CIRSR: variants seen among roughly 807,000 people sequenced by gnomAD.
CIRSR encodes CBF1 (RBPJ) interacting corepressor 1.
chr2:174,394,552 G>T, the CIRSR span, among the ~76,000 whole-genome samples: 42 of 152,190 alleles, frequency 2.8e-4, no homozygotes, highest in African/African-American at 9.9e-4. Context: ...AAAATGAGGA[G>T]ATGGGGCTGG....
At chr2:174,383,501 C>T in the CIRSR span, among the ~76,000 whole-genome samples, 1 of 151,936 alleles carries the variant, frequency 6.6e-6, no homozygotes, top group Admixed American at 6.6e-5. Flanking sequence ...GGGTGGATCA[C>T]CTCAGGTCAG....
At chr2:174,385,130 G>A in the CIRSR span, among the ~76,000 whole-genome samples, 11 of 149,764 alleles carry the variant, frequency 7.3e-5, no homozygotes, top group East Asian at 5.9e-4. Context: ...CAGGAGGATC[G>A]CTTGAACCCA....
chr2:174,371,414 G>A, the CIRSR span, among the ~76,000 whole-genome samples: 1 of 152,174 alleles, frequency 6.6e-6, no homozygotes, highest in African/African-American at 2.4e-5. Flanking sequence ...ATAAGAATAA[G>A]GGCTATAGAA....
At chr2:174,390,382 TC>T in the CIRSR span, among the ~76,000 whole-genome samples, 3 of 152,200 alleles carry the variant, frequency 2.0e-5, no homozygotes, top group Admixed American at 6.5e-5. Flanking sequence ...CTTTGTTTTG[TC>T]CAAATTGTCC....
the CIRSR span, among the ~76,000 whole-genome samples, chr2:174,389,771 T>G: frequency 1.3e-5 from 2 of 152,168 alleles, no homozygotes; most frequent in Non-Finnish European, 2.9e-5. Context: ...TCTCAACTGC[T>G]GGGTACAACC....
At chr2:174,390,320 AG>A in the CIRSR span, among the ~76,000 whole-genome samples, 1 of 152,242 alleles carries the variant, frequency 6.6e-6, no homozygotes, top group Non-Finnish European at 1.5e-5. Context: ...TGGCACTTTA[AG>A]GTTTAATGAC....
the CIRSR span, among the ~76,000 whole-genome samples, chr2:174,376,829 T>C: frequency 7.0e-6 from 1 of 141,850 alleles, no homozygotes; most frequent in Non-Finnish European, 1.5e-5. Context: ...AAGAAAGAAA[T>C]GGAGGGCTGG....
the CIRSR span, chr2:174,380,172 T>G: frequency 3.4e-6 from 5 of 1,488,334 alleles, no homozygotes; most frequent in African/African-American, 1.4e-5. Flanking sequence ...ATAAAAATTA[T>G]TCTTACAGAG....
chr2:174,379,551 T>C, the CIRSR span, among the ~76,000 whole-genome samples: 1 of 152,146 alleles, frequency 6.6e-6, no homozygotes, highest in African/African-American at 2.4e-5. Flanking sequence ...GGTGTTCCAA[T>C]AAAACTTTCT....
At chr2:174,383,672 A>C in the CIRSR span, among the ~76,000 whole-genome samples, 1 of 148,172 alleles carries the variant, frequency 6.7e-6, no homozygotes, top group Non-Finnish European at 1.5e-5. Context: ...GTGAGCCGAG[A>C]TCGCACCACT....
the CIRSR span, among the ~76,000 whole-genome samples, chr2:174,384,797 T>A: frequency 1.3e-5 from 2 of 152,182 alleles, no homozygotes; most frequent in Non-Finnish European, 2.9e-5. Context: ...ATTCAAGACA[T>A]ATATAAAATA....
the CIRSR span, chr2:174,349,295 G>A: frequency 4.1e-5 from 26 of 637,680 alleles, no homozygotes; most frequent in African/African-American, 3.2e-4. Flanking sequence ...GGCAGAGCGC[G>A]CTGGCTCATA....
At chr2:174,375,367 G>A in the CIRSR span, among the ~76,000 whole-genome samples, 1 of 152,168 alleles carries the variant, frequency 6.6e-6, no homozygotes, top group African/African-American at 2.4e-5. Context: ...CAGCACTGTG[G>A]GAGGCTGAGG....
chr2:174,348,801 C>T, the CIRSR span: 1 of 1,614,154 alleles, frequency 6.2e-7, no homozygotes, highest in South Asian at 1.1e-5. Flanking sequence ...AGAATGGCTC[C>T]ATTTGCTGTC....
the CIRSR span, among the ~76,000 whole-genome samples, chr2:174,357,561 C>T: frequency 6.6e-6 from 1 of 152,312 alleles, no homozygotes; most frequent in East Asian, 1.9e-4. Flanking sequence ...GTACAATCTT[C>T]TGTCCCTTTT....
chr2:174,356,605 A>AAG, the CIRSR span, among the ~76,000 whole-genome samples: 85,888 of 150,172 alleles, frequency 0.57, 27,130 homozygotes, highest in East Asian at 0.8. Flanking sequence ...GAGGGAGGGA[A>AAG]GAAGGAAGGA....
chr2:174,363,773 G>A, the CIRSR span, among the ~76,000 whole-genome samples: 321 of 152,174 alleles, frequency 2.1e-3, 5 homozygotes, highest in East Asian at 6.8e-3. Context: ...AGACTTAATC[G>A]CTGTCACAAG....
At chr2:174,348,594 TTTC>T in the CIRSR span, 4 of 1,614,190 alleles carry the variant, frequency 2.5e-6, no homozygotes, top group Non-Finnish European at 8.5e-7. Flanking sequence ...TCTGCTGTCA[TTTC>T]TTCTGCTTTG....
chr2:174,379,147 A>C, the CIRSR span: 5 of 766,436 alleles, frequency 6.5e-6, no homozygotes, highest in Non-Finnish European at 1.1e-5. Flanking sequence ...TTTTTAAAAG[A>C]TCTCCAGGGA....
Sources: gnomAD v4.1 joint callset for allele counts (sites outside exome capture counted in the v4.1 genomes callset) on GRCh38, gnomAD v4.1.1 for gene constraint, MANE v1.5 for transcripts, NCBI Gene and HGNC (gene_info 2026-07-23, HGNC 2026-07-21) for gene names.